The following SEMA5B variants were observed in gnomAD, a reference collection of about 807,000 sequenced individuals.
SEMA5B encodes the protein semaphorin 5B.
SEMA5B carries 66 observed loss-of-function variants against 135.0 expected under a neutral mutation model. The observed-to-expected ratio is 0.49, with a 90% CI of 0.40 to 0.60. The LOEUF is 0.60. SEMA5B is among the 20% of genes least tolerant of loss of function. The probability of loss-of-function intolerance (pLI) is 0.00; values close to 1 mark genes in which losing one functional copy is unlikely to be tolerated. For missense variants in SEMA5B, 1,501 were observed against 1,566.3 expected (o/e 0.96, Z 0.70); for synonymous variants, 690 against 639.5 (o/e 1.08, Z -1.19).
intron 1 of SEMA5B, among the ~76,000 whole-genome samples, chr3:123,012,877 A>G (rs1336813218): frequency 6.6e-6 from 1 of 152,142 alleles, no homozygotes; most frequent in Admixed American, 6.5e-5. Context: ...CTACAGATGG[A>G]TGGAGGGAGT....
intron 5 of SEMA5B, among the ~76,000 whole-genome samples, chr3:122,930,722 G>A (rs1241892135): frequency 2.0e-5 from 3 of 152,246 alleles, no homozygotes; most frequent in South Asian, 2.1e-4. Flanking sequence ...GACAGGCACT[G>A]TGCCAGGGAC....
intron 1 of SEMA5B, among the ~76,000 whole-genome samples, chr3:122,999,855 C>A (rs1942127571): frequency 6.6e-6 from 1 of 152,156 alleles, no homozygotes; most frequent in Non-Finnish European, 1.5e-5. Flanking sequence ...CAAACATCCA[C>A]AACAGCTATG....
At position 122,987,848 on chromosome 3, in the gene SEMA5B, AT is replaced by A. The variant is rs368403188; in HGVS notation, c.-38-26548del. 4.2e-3 allele frequency among the ~76,000 whole-genome samples: 629 copies of A among 149,914 alleles called. 3 individuals carry two copies. Among genetic ancestry groups the A allele is most frequent in the South Asian group, 7.9e-3 (37 of 4,688 alleles). On this transcript the variant is annotated intron_variant, in intron 1 of 22. Coordinates refer to ENST00000357599, the MANE Select transcript of SEMA5B (RefSeq NM_001031702.4). The stretch of plus-strand genomic sequence containing the variant: ...TGTTGGGGTTGGGTTTTTGAAATTT[AT>A]TTTTTTTTTCAATTTGGAGAATTTT...
chr3:122,910,640 C>G (rs1937635706), intron 22 of SEMA5B, among the ~76,000 whole-genome samples, 200 bp downstream of exon 22: 1 of 151,878 alleles, frequency 6.6e-6, no homozygotes, highest in Non-Finnish European at 1.5e-5. Context: ...GAAACCCCGT[C>G]TCTACTAAAA....
At chr3:122,930,152 G>T (rs1204376023) in intron 5 of SEMA5B, among the ~76,000 whole-genome samples, 1 of 152,236 alleles carries the variant, frequency 6.6e-6, no homozygotes, top group Non-Finnish European at 1.5e-5. Flanking sequence ...TGCCTGCAGA[G>T]CCCCAGAGGC....
chr3:122,973,844 A>G (rs1248209561), intron 1 of SEMA5B, among the ~76,000 whole-genome samples: 1 of 152,038 alleles, frequency 6.6e-6, no homozygotes, highest in Non-Finnish European at 1.5e-5. Flanking sequence ...AGGTAGGGAG[A>G]AATTCCTTAA....
intron 1 of SEMA5B, among the ~76,000 whole-genome samples, chr3:123,014,372 CAGG>C (rs1942504402): frequency 6.6e-6 from 1 of 152,226 alleles, no homozygotes; most frequent in African/African-American, 2.4e-5. Flanking sequence ...CCTCCACTGA[CAGG>C]AGATGTTGGT....
chr3:122,923,924 A>T (rs1457591696), intron 9 of SEMA5B, among the ~76,000 whole-genome samples, 172 bp from the exon 10 acceptor site: 1 of 152,002 alleles, frequency 6.6e-6, no homozygotes, highest in Non-Finnish European at 1.5e-5. Flanking sequence ...ACATTCTGTA[A>T]ACCCCCTGGG....
Position 122,913,068 on chromosome 3 carries a change from A to C in SEMA5B, c.2507-7T>G. 1 of 1,495,868 alleles carries C rather than the reference A, an allele frequency of 6.7e-7. No individual in the cohort carries two copies. Among genetic ancestry groups the C allele is most frequent in the East Asian group, 2.5e-5 (1 of 39,676 alleles). The allele number at this position is 1,495,868 out of a possible 1,614,324, so 92.7% of individuals were successfully genotyped here. A position where few individuals can be genotyped will look rare whatever the true frequency, so the allele number is the denominator to read the frequency against. ...AGGAGGACCTCCACCAGGGCTGCGG[A>C]GGGGCTAGGCCTCAGCGACTGGGCG... On this transcript the variant is annotated splice_region_variant and splice_polypyrimidine_tract_variant and intron_variant, in intron 17 of 22. Coordinates refer to ENST00000357599, the MANE Select transcript of SEMA5B (RefSeq NM_001031702.4).
chr3:123,001,688 T>C (rs1245192502), intron 1 of SEMA5B, among the ~76,000 whole-genome samples: 2 of 152,156 alleles, frequency 1.3e-5, no homozygotes, highest in African/African-American at 4.8e-5. Flanking sequence ...TTCATGCCCT[T>C]GAAAGCCCAG....
Position 122,912,831 on chromosome 3 carries a change from G to A in SEMA5B, c.2725+12C>T, listed in dbSNP as rs937085472. ...TTTCGCTAGGCCAAGGATTCCTTCC[G>A]TGCAGGGTTACCTGGGCAAGCCTGG... On this transcript the variant is annotated intron_variant, in intron 18 of 22. Transcript: ENST00000357599. 2.1e-5 allele frequency: 32 copies of A among 1,554,136 alleles called. No homozygotes were observed. Among genetic ancestry groups the A allele is most frequent in the Non-Finnish European group, 1.4e-5 (16 of 1,147,746 alleles).
intron 9 of SEMA5B, among the ~76,000 whole-genome samples, chr3:122,924,371 A>G (rs1205814362): frequency 6.6e-6 from 1 of 151,938 alleles, no homozygotes; most frequent in Non-Finnish European, 1.5e-5. Flanking sequence ...TCTTCTCCCA[A>G]ATGTGTCCAT....
At position 122,910,079 on chromosome 3, in the gene SEMA5B, G is replaced by A. The variant is rs1937613997; in HGVS notation, c.*64C>T. The A allele has an allele frequency of 6.4e-7, 1 of 1,560,086 alleles. No individual in the cohort carries two copies. The highest frequency in any genetic ancestry group is 8.7e-7 in the Non-Finnish European group (1 of 1,148,010). On this transcript the variant is annotated 3_prime_UTR_variant, in exon 23 of 23. Transcript: ENST00000357599. ...GGGAGAAAACCAAACTGGCTCCACT[G>A]TCCCATCTCCATCTGCTCTGTGCCT...
At position 122,929,001 on chromosome 3, in the gene SEMA5B, T is replaced by A. The variant is rs1207756713; in HGVS notation, c.532A>T (p.Thr178Ser). ...GGACCGCCGAGACCACGTACCTCAG[T>A]CTTCCCTTTGCTTTGGCAGGAGCGG... ...TRRSCQSKGK[T>S]EEECQNYVRV... The change falls in exon 6 of 23, where the codon ACT becomes TCT. Residue 178 changes from threonine (T) to serine (S), a missense_variant. By Grantham distance (58) the Thr-to-Ser change is moderately conservative. Around this residue, in one of 2 missense-constraint regions of SEMA5B, gnomAD observed 574 missense variants for 684.7 expected, o/e 0.84. Transcript: ENST00000357599. 5 of 1,611,972 alleles carry A rather than the reference T, an allele frequency of 3.1e-6. No individual in the cohort carries two copies. The highest frequency in any genetic ancestry group is 4.2e-6 in the Non-Finnish European group (5 of 1,179,932).
At chr3:122,998,996 G>A (rs72972425) in intron 1 of SEMA5B, among the ~76,000 whole-genome samples, 11,685 of 152,160 alleles carry the variant, frequency 0.077, 1,334 homozygotes, top group African/African-American at 0.25. Context: ...AAATGAGGGC[G>A]AGAGATGGCA....
intron 1 of SEMA5B, among the ~76,000 whole-genome samples, chr3:122,988,049 C>T (rs1214766898): frequency 6.6e-6 from 1 of 152,126 alleles, no homozygotes; most frequent in African/African-American, 2.4e-5. Context: ...TGAGCTGCAT[C>T]AGAACCACCC....
intron 1 of SEMA5B, among the ~76,000 whole-genome samples, chr3:123,024,626 A>G (rs182178446): frequency 9.9e-4 from 150 of 152,276 alleles, no homozygotes; most frequent in African/African-American, 3.6e-3. Flanking sequence ...CATCTGACAG[A>G]AGAATCTTAA....
intron 1 of SEMA5B, among the ~76,000 whole-genome samples, chr3:122,996,593 A>G (rs796982353): frequency 3.6e-4 from 55 of 152,342 alleles, no homozygotes; most frequent in African/African-American, 1.3e-3. Context: ...GGGGCTTTCC[A>G]GAATGTTCTT....
intron 1 of SEMA5B, among the ~76,000 whole-genome samples, chr3:123,004,710 C>T (rs1283421373): frequency 6.6e-6 from 1 of 152,114 alleles, no homozygotes; most frequent in Non-Finnish European, 1.5e-5. Flanking sequence ...TTACGGCTGG[C>T]CTCCCACCAG....
Sources: gnomAD v4.1 joint callset for allele counts (sites outside exome capture counted in the v4.1 genomes callset) on GRCh38, gnomAD v4.1.1 for gene constraint, gnomAD v4.1.1 regional missense constraint, MANE v1.5 for transcripts, NCBI Gene and HGNC (gene_info 2026-07-23, HGNC 2026-07-21) for gene names.